VPS13D: variants seen among roughly 807,000 people sequenced by gnomAD.
The protein encoded by VPS13D is intermembrane lipid transfer protein VPS13D.
In VPS13D, 187 loss-of-function variants were observed where a neutral mutation model predicts 461.9. The ratio of observed to expected loss-of-function variants is 0.40; its 90% CI spans 0.36 to 0.46. The LOEUF is 0.46. Among genes scored for constraint, VPS13D ranks in the 20% least tolerant of loss-of-function variants. The pLI, the probability that VPS13D is intolerant of heterozygous loss-of-function variation, is 0.60. For synonymous variants in VPS13D, 1,951 were observed against 1,986.3 expected, an observed-to-expected ratio of 0.98 and a Z score of 0.47; for missense variants, 4,711 against 5,364.9, an observed-to-expected ratio of 0.88 and a Z score of 3.81.
At position 12,369,569 on chromosome 1, in the gene VPS13D, C is replaced by A; in HGVS notation, c.10675C>A (p.Pro3559Thr). 1.9e-6 allele frequency: 3 copies of A among 1,614,196 alleles called. No individual in the cohort carries two copies. The highest frequency in any genetic ancestry group is 2.5e-6 in the Non-Finnish European group (3 of 1,180,046). ...LDYAWDEPTL[P>T]PFITLTVKGA... is the part of the protein sequence containing the mutation. ...TTATGCCTGGGACGAACCCACCTTG[C>A]CACCTTTTATCACTCTGACTGTTAA... is the stretch of plus-strand genomic sequence containing the variant. The change falls in exon 54 of 70, where the codon CCA becomes ACA. Residue 3559 changes from proline to threonine, a missense_variant. Physicochemically the swap from Pro to Thr is conservative, Grantham distance 38. Around this residue, in one of 3 missense-constraint regions of VPS13D, gnomAD observed 4,411 missense variants for 4,937.8 expected, o/e 0.89. Transcript: ENST00000620676.
At chr1:12,403,698 C>T in intron 62 of VPS13D, 127 bp from the exon 63 acceptor site, 1 of 886,354 alleles carries the variant, frequency 1.1e-6, no homozygotes. Context: ...CCCTCACAAA[C>T]TAAATCGAGA....
chr1:12,355,906 A>C lies in VPS13D; in HGVS notation c.9687A>C (p.Ser3229=), dbSNP rs1225784741. ...AGTTTGTATCTTCTTTAGGGGTATC[A>C]CTGGAGAATTTCCCCCTCTGTAAAG... is the stretch of plus-strand genomic sequence containing the variant. ...DTSQNIELGV[S]LENFPLCKEL... Residue 3229 remains serine (S), a synonymous_variant, in exon 48 of 70, where the codon TCA becomes TCC. Transcript: ENST00000620676. The C allele has an allele frequency of 6.3e-7, 1 of 1,583,540 alleles. No individual in the cohort carries two copies. Among genetic ancestry groups the C allele is most frequent in the African/African-American group, 1.4e-5 (1 of 73,970 alleles).
At chr1:12,392,341 C>T (rs1342153465) in intron 60 of VPS13D, among the ~76,000 whole-genome samples, 1 of 151,598 alleles carries the variant, frequency 6.6e-6, no homozygotes, top group Non-Finnish European at 1.5e-5. Context: ...ATTATCCGGG[C>T]AGTGGCGGGT....
At chr1:12,353,227 C>CT (rs1643841788) in intron 46 of VPS13D, among the ~76,000 whole-genome samples, 1 of 151,920 alleles carries the variant, frequency 6.6e-6, no homozygotes, top group South Asian at 2.1e-4. Flanking sequence ...CTTGTTGAGA[C>CT]TTTAAGTTTT....
rs749096548 is a variant in VPS13D, at chr1:12,368,514, C to T, written c.10495C>T (p.Arg3499Ter). Residue 3499 changes from arginine (R) to a stop codon, truncating the protein, a stop_gained, in exon 53 of 70, where the codon CGA becomes TGA. Coordinates refer to ENST00000620676, the MANE Select transcript of VPS13D (RefSeq NM_015378.4). LOFTEE classifies it high-confidence loss of function. ...CFFLRVEITL[R>*]GATYRISFSD... is the part of the protein sequence containing the mutation. Reference sequence around the variant, plus strand: ...CTTCCTACGAGTGGAAATTACTCTCCGAGGAGCTACGTATAGGATCTCATT... The same window carrying T: ...CTTCCTACGAGTGGAAATTACTCTCTGAGGAGCTACGTATAGGATCTCATT... 4 of 1,613,482 alleles carry T rather than the reference C, an allele frequency of 2.5e-6. No homozygotes were observed. The highest frequency in any genetic ancestry group is 3.4e-6 in the Non-Finnish European group (4 of 1,179,768).
rs72864952 is a variant in VPS13D at position 12,243,865 on chromosome 1, C to T, written c.176-381C>T. Among the ~76,000 whole-genome samples, 624 of 152,182 alleles carry T rather than the reference C, an allele frequency of 4.1e-3. 4 individuals carry two copies. The highest frequency in any genetic ancestry group is 0.014 in the African/African-American group (587 of 41,522). On this transcript the variant is annotated intron_variant, in intron 3 of 69. Transcript: ENST00000620676. ...ATGACTCCAACTAGTGCTTATCAAC[C>T]AGACAATGACTAATGAACAAGAAAT... is the stretch of plus-strand genomic sequence containing the variant.
chr1:12,316,017 A>G (rs2101513244), intron 30 of VPS13D, among the ~76,000 whole-genome samples: 1 of 152,154 alleles, frequency 6.6e-6, no homozygotes, highest in Non-Finnish European at 1.5e-5. Context: ...GGGTTTCACC[A>G]TATTGGCCAG....
intron 65 of VPS13D, among the ~76,000 whole-genome samples, chr1:12,453,284 A>G (rs1645286512): frequency 6.6e-6 from 1 of 152,102 alleles, no homozygotes; most frequent in Admixed American, 6.6e-5. Context: ...GTGGGGGAGT[A>G]TTATAGGATT....
intron 18 of VPS13D, among the ~76,000 whole-genome samples, chr1:12,275,555 C>T (rs548939020): frequency 6.6e-6 from 1 of 152,270 alleles, no homozygotes; most frequent in South Asian, 2.1e-4. Flanking sequence ...AGTGGGGAGG[C>T]AGCATTGGGT....
chr1:12,261,790 C>A, intron 12 of VPS13D, 111 bp from the exon 13 acceptor site: 1 of 983,488 alleles, frequency 1.0e-6, no homozygotes, highest in Non-Finnish European at 1.5e-6. Flanking sequence ...TCTTTCTTAA[C>A]AAAGGGAAAA....
At chr1:12,354,995 A>T (rs1483811472) in intron 47 of VPS13D, among the ~76,000 whole-genome samples, 1 of 152,234 alleles carries the variant, frequency 6.6e-6, no homozygotes, top group Admixed American at 6.5e-5. Context: ...GACTCCAGGG[A>T]TGCCTCGTGG....
chr1:12,287,681 A>G (rs1055101826), intron 21 of VPS13D, among the ~76,000 whole-genome samples: 1 of 152,202 alleles, frequency 6.6e-6, no homozygotes, highest in Admixed American at 6.5e-5. Context: ...TGTTACAAAG[A>G]ATGCTACTTC....
Position 12,308,459 on chromosome 1 carries a change from TGTC to T in VPS13D, c.6471_6473del (p.Val2158del). 1 of 1,614,168 alleles carries T rather than the reference TGTC, an allele frequency of 6.2e-7. No homozygotes were observed. Among genetic ancestry groups the T allele is most frequent in the South Asian group, 1.1e-5 (1 of 91,076 alleles). On this transcript the variant is annotated inframe_deletion, in exon 27 of 70. Transcript: ENST00000620676. The stretch of plus-strand genomic sequence containing the variant: ...ACCATGTCTGCCTGCTGGATTGCGT[TGTC>T]GTGGATCTCCAGGACATGGACATCT...
intron 37 of VPS13D, among the ~76,000 whole-genome samples, chr1:12,331,839 A>G (rs1222938971): frequency 6.6e-6 from 1 of 152,022 alleles, no homozygotes; most frequent in Non-Finnish European, 1.5e-5. Context: ...TTACTTTTAA[A>G]GTTGTATGAA....
rs1394843865 is a variant in VPS13D at position 12,409,770 on chromosome 1, A to G, written c.12031-5317A>G. 1.9e-5 allele frequency: 8 copies of G among 424,268 alleles called. No individual in the cohort carries two copies. The Admixed American group carries it at 2.3e-4, about 12-fold the overall frequency. 26.3% of individuals were successfully genotyped at this position (424,268 alleles called of 1,614,324 possible). On this transcript the variant is annotated intron_variant, in intron 63 of 69. Transcript: ENST00000620676. Reference sequence around the variant, plus strand: ...TTATAGCAGACCCAGGCTAGTTGAGAACTTCAAGAAAAGACAGATCGTGGG... The same window carrying G: ...TTATAGCAGACCCAGGCTAGTTGAGGACTTCAAGAAAAGACAGATCGTGGG...
At chr1:12,323,548 A>G (rs535319591) in intron 34 of VPS13D, among the ~76,000 whole-genome samples, 158 bp from the exon 35 acceptor site, 100 of 152,226 alleles carry the variant, frequency 6.6e-4, no homozygotes, top group African/African-American at 1.3e-3. Flanking sequence ...TTCAGGGTAC[A>G]CTTGATAGAA....
intron 65 of VPS13D, among the ~76,000 whole-genome samples, chr1:12,440,995 A>AGCTCGCTGCAACCTCC (rs1645124043): frequency 6.6e-6 from 1 of 151,334 alleles, no homozygotes; most frequent in Non-Finnish European, 1.5e-5. Context: ...GTGCAATCTC[A>AGCTCGCTGCAACCTCC]GCTCGCTGCA....
chr1:12,439,143 G>T (rs1165030681), intron 65 of VPS13D, among the ~76,000 whole-genome samples: 1 of 151,996 alleles, frequency 6.6e-6, no homozygotes, highest in Admixed American at 6.6e-5. Context: ...GAGGCTTCCC[G>T]TTTCACTCCA....
At chr1:12,433,975 A>T (rs911555937) in intron 65 of VPS13D, among the ~76,000 whole-genome samples, 4 of 143,300 alleles carry the variant, frequency 2.8e-5, no homozygotes, top group Non-Finnish European at 4.6e-5. Flanking sequence ...TGTGTGGAGG[A>T]GGAGGAGGAG....
Sources: allele counts gnomAD v4.1 joint callset (sites outside exome capture counted in the v4.1 genomes callset), GRCh38; gene constraint gnomAD v4.1.1; regional missense constraint gnomAD v4.1.1; transcripts MANE v1.5; gene names NCBI Gene and HGNC (gene_info 2026-07-23, HGNC 2026-07-21).